The following MAP4K5 variants were observed in gnomAD, a reference collection of about 807,000 sequenced individuals.
MAP4K5 encodes the protein MAPK/ERK kinase kinase kinase 5.
A neutral mutation model predicts 135.6 loss-of-function variants in MAP4K5; 82 were observed. That is an observed-to-expected ratio of 0.60 (90% confidence interval 0.51 to 0.73). The LOEUF (loss-of-function observed/expected upper bound fraction) is 0.73, where lower values mean the gene tolerates loss of function less well. Among genes scored for constraint, MAP4K5 ranks in the 30% least tolerant of loss-of-function variants. The pLI, the probability that MAP4K5 is intolerant of heterozygous loss-of-function variation, is 0.00. For synonymous variants in MAP4K5, 347 were observed against 335.0 expected, an observed-to-expected ratio of 1.04 and a Z score of -0.39; for missense variants, 907 against 1,010.9, an observed-to-expected ratio of 0.90 and a Z score of 1.39.
intron 2 of MAP4K5, among the ~76,000 whole-genome samples, chr14:50,513,084 C>G (rs28490466): frequency 0.018 from 2,668 of 152,218 alleles, 70 homozygotes; most frequent in African/African-American, 0.061. Flanking sequence ...TTATTTAACT[C>G]TTATTAATCA....
chr14:50,549,298 C>G (rs768928137), intron 1 of MAP4K5, among the ~76,000 whole-genome samples: 2 of 152,162 alleles, frequency 1.3e-5, no homozygotes, highest in Non-Finnish European at 2.9e-5. Flanking sequence ...ATCATAAGAG[C>G]AGCCACAGGG....
intron 6 of MAP4K5, among the ~76,000 whole-genome samples, chr14:50,479,112 C>A (rs1186171267): frequency 6.6e-6 from 1 of 151,196 alleles, no homozygotes; most frequent in East Asian, 1.9e-4. Flanking sequence ...CAATTTTCAG[C>A]CATCTCCCCT....
At chr14:50,531,909 C>A (rs1377588385) in intron 2 of MAP4K5, 33 bp downstream of exon 2, 8 of 1,441,544 alleles carry the variant, frequency 5.5e-6, no homozygotes, top group Non-Finnish European at 7.7e-6. Flanking sequence ...ACCCAGTCGA[C>A]CGCAGGAAAA....
At chr14:50,545,666 G>A (rs1392036819) in intron 1 of MAP4K5, among the ~76,000 whole-genome samples, 2 of 152,194 alleles carry the variant, frequency 1.3e-5, no homozygotes, top group Non-Finnish European at 2.9e-5. Context: ...AAAGTTAAGG[G>A]AGGAGCTGCA....
chr14:50,454,088 A>G (rs968414808), intron 14 of MAP4K5, among the ~76,000 whole-genome samples: 2 of 152,222 alleles, frequency 1.3e-5, no homozygotes, highest in Non-Finnish European at 1.5e-5. Flanking sequence ...GGAATACTAC[A>G]GTGTAGTGAA....
chr14:50,434,548 A>G lies in MAP4K5; in HGVS notation c.2010T>C (p.Ser670=). 1.9e-6 allele frequency: 3 copies of G among 1,595,090 alleles called. No homozygotes were observed. The highest frequency in any genetic ancestry group is 1.7e-6 in the Non-Finnish European group (2 of 1,170,300). The change falls in exon 28 of 33, where the codon AGT becomes AGC. Residue 670 remains serine, a synonymous_variant. Transcript: ENST00000682126. ...LIKHFDFPLP[S]PLNVFEMLVI... ...CCAGCATTTCAAAAACATTCAAAGGACTTGGCAAAGGAAAATCAAAGTGCT... is the reference window on the plus strand; with the variant it reads ...CCAGCATTTCAAAAACATTCAAAGGGCTTGGCAAAGGAAAATCAAAGTGCT...
At chr14:50,547,303 G>A (rs1223545114) in intron 1 of MAP4K5, among the ~76,000 whole-genome samples, 3 of 152,092 alleles carry the variant, frequency 2.0e-5, no homozygotes, top group Non-Finnish European at 2.9e-5. Flanking sequence ...GGTACTCAGT[G>A]AATGTCTGAG....
chr14:50,516,092 TC>T (rs1361296114), intron 2 of MAP4K5, among the ~76,000 whole-genome samples: 1 of 152,220 alleles, frequency 6.6e-6, no homozygotes, highest in Non-Finnish European at 1.5e-5. Context: ...TATCAGCAAA[TC>T]CTGACAGCTT....
At chr14:50,488,656 C>T (rs958094110) in intron 3 of MAP4K5, among the ~76,000 whole-genome samples, 19 of 152,156 alleles carry the variant, frequency 1.2e-4, no homozygotes, top group African/African-American at 4.6e-4. Flanking sequence ...GGGTTCCACC[C>T]TGCAACTGTG....
intron 2 of MAP4K5, among the ~76,000 whole-genome samples, chr14:50,527,216 G>A (rs1430768659): frequency 6.6e-6 from 1 of 152,082 alleles, no homozygotes; most frequent in Non-Finnish European, 1.5e-5. Context: ...GCACATGCCT[G>A]TAATCCCAGC....
At chr14:50,516,054 C>G (rs369021728) in intron 2 of MAP4K5, among the ~76,000 whole-genome samples, 2 of 152,260 alleles carry the variant, frequency 1.3e-5, no homozygotes, top group East Asian at 1.9e-4. Context: ...TTCTTTATTT[C>G]TTTCCTTCAC....
At chr14:50,507,725 A>C (rs941576936) in intron 2 of MAP4K5, among the ~76,000 whole-genome samples, 1 of 152,152 alleles carries the variant, frequency 6.6e-6, no homozygotes, top group Admixed American at 6.5e-5. Flanking sequence ...GTTTGTTATA[A>C]TTTCTGTACT....
chr14:50,540,630 C>A (rs79674187), intron 2 of MAP4K5, among the ~76,000 whole-genome samples: 1,759 of 152,144 alleles, frequency 0.012, 31 homozygotes, highest in African/African-American at 0.041. Flanking sequence ...CTCAAAATAC[C>A]GCCAAAATTC....
chr14:50,427,126 C>T lies in MAP4K5; in HGVS notation c.2327-1149G>A, dbSNP rs74050299. On this transcript the variant is annotated intron_variant, in intron 30 of 32. Transcript: ENST00000682126. ...CCCCAGGAGGATTCCTGTAATTATT[C>T]CAAGGTTTACTGGCAAGAAAAGATG... is the stretch of plus-strand genomic sequence containing the variant. Among the ~76,000 whole-genome samples, 413 of 152,032 alleles carry T rather than the reference C, an allele frequency of 2.7e-3. 2 individuals are homozygous for T. The highest frequency in any genetic ancestry group is 9.5e-3 in the African/African-American group (395 of 41,468).
Position 50,437,534 on chromosome 14 carries a change from T to C in MAP4K5, c.1824A>G (p.Arg608=), listed in dbSNP as rs10150701. Residue 608 remains arginine, a splice_region_variant and synonymous_variant, in exon 26 of 33, where the codon AGA becomes AGG. Transcript: ENST00000682126. ...THRFPDRILP[R]KFALTTKIPD... is the part of the protein sequence containing the mutation. Reference sequence around the variant, plus strand: ...GAATCTTTGTTGTTAAAGCGAATTTTCTGAAAACGTAAGACGATATAAATG... The same window carrying C: ...GAATCTTTGTTGTTAAAGCGAATTTCCTGAAAACGTAAGACGATATAAATG... The C allele has an allele frequency of 3.2e-3, 5,082 of 1,594,590 alleles. 141 individuals carry two copies. In the African/African-American group the frequency reaches 0.06, roughly 19 times the overall value.
At chr14:50,530,108 TGAGGAAGCAACATTGTGAGGGTA>T (rs1310451533) in intron 2 of MAP4K5, among the ~76,000 whole-genome samples, 20 of 151,976 alleles carry the variant, frequency 1.3e-4, no homozygotes, top group African/African-American at 4.8e-4. Context: ...CATGTAAGTG[TGAGGAAGCAACATTGTGAGGGTA>T]GAGGAAGCAA....
intron 1 of MAP4K5, among the ~76,000 whole-genome samples, chr14:50,552,726 T>C (rs1266256473): frequency 1.3e-5 from 2 of 152,182 alleles, no homozygotes; most frequent in Non-Finnish European, 2.9e-5. Context: ...TACAGCTAAC[T>C]GGTCGTCGAC....
At chr14:50,430,514 G>A (rs1566634588) in intron 28 of MAP4K5, among the ~76,000 whole-genome samples, 1 of 152,164 alleles carries the variant, frequency 6.6e-6, no homozygotes, top group Non-Finnish European at 1.5e-5. Context: ...CAGAAAAGAG[G>A]ATTGCCAAAT....
At chr14:50,552,235 A>G (rs951920823) in intron 1 of MAP4K5, among the ~76,000 whole-genome samples, 38 of 152,124 alleles carry the variant, frequency 2.5e-4, no homozygotes, top group African/African-American at 8.7e-4. Context: ...TGAGAATCAA[A>G]TCAAGTACTC....
Sources: allele counts gnomAD v4.1 joint callset (sites outside exome capture counted in the v4.1 genomes callset), GRCh38; gene constraint gnomAD v4.1.1; transcripts MANE v1.5; gene names NCBI Gene and HGNC (gene_info 2026-07-23, HGNC 2026-07-21).